The following U2AF1 variants were observed in gnomAD, a reference collection of about 807,000 sequenced individuals.
U2AF1 encodes the protein U2 small nuclear RNA auxiliary factor 1.
For synonymous variants in U2AF1, 8 were observed against 27.2 expected (o/e 0.29, Z 2.20); for missense variants, 4 against 75.9 (o/e 0.05, Z 3.52).
At chr21:43,105,069 G>C (rs2146469530) in intron 1 of U2AF1, 1 of 107,300 alleles carries the variant, frequency 9.3e-6, no homozygotes, top group East Asian at 2.0e-4. Context: ...CAATTCTCCT[G>C]GTCTCAATAC....
At chr21:43,095,607 G>A in intron 4 of U2AF1, 71 bp from the exon 5 acceptor site, 2 of 799,084 alleles carry the variant, frequency 2.5e-6, no homozygotes, top group South Asian at 1.5e-5. Context: ...ACTCATGTAT[G>A]TTTATTAGCA....
chr21:43,106,941 G>A (rs1415511207), intron 1 of U2AF1, among the ~76,000 whole-genome samples: 1 of 40,912 alleles, frequency 2.4e-5, no homozygotes, highest in Non-Finnish European at 4.8e-5. Context: ...CGCTTAAACA[G>A]GCAAGAGGCT....
intron 3 of U2AF1, chr21:43,096,059 AT>A (rs560376283): frequency 0.022 from 245 of 11,164 alleles, no homozygotes; most frequent in Admixed American, 0.026. Flanking sequence ...CAAACTACAA[AT>A]TTTTTTTTTA....
chr21:43,105,133 C>T lies in U2AF1; in HGVS notation c.45-731G>A, dbSNP rs189353760. 2 of 106,784 alleles carry T rather than the reference C, an allele frequency of 1.9e-5. 1 individual carries two copies. The highest frequency in any genetic ancestry group is 3.9e-5 in the Non-Finnish European group (2 of 51,474). The allele number at this position is 106,784 out of a possible 1,614,324, so 6.6% of individuals were successfully genotyped here. ...CGAACCCACCTTAGGAACCACCTTA[C>T]GTCACCTTCTGTCTCTACTGCAAAA... On this transcript the variant is annotated intron_variant, in intron 1 of 7. Coordinates refer to ENST00000291552, the MANE Select transcript of U2AF1 (RefSeq NM_006758.3).
chr21:43,107,053 C>T lies in U2AF1; in HGVS notation c.44+398G>A, dbSNP rs1424393062. Reference sequence around the variant, plus strand: ...AGCTTGCTCGACAGGACATTCACAGCCGAAAGTTGGAACAAACGTGTCCAC... The same window carrying T: ...AGCTTGCTCGACAGGACATTCACAGTCGAAAGTTGGAACAAACGTGTCCAC... On this transcript the variant is annotated intron_variant, in intron 1 of 7. Coordinates refer to ENST00000291552, the MANE Select transcript of U2AF1 (RefSeq NM_006758.3). Among the ~76,000 whole-genome samples the T allele has an allele frequency of 2.3e-5, 2 of 87,886 alleles. 1 individual carries two copies. Among genetic ancestry groups the T allele is most frequent in the Non-Finnish European group, 4.7e-5 (2 of 42,618 alleles). 57.7% of individuals were successfully genotyped at this position (87,886 alleles called of 152,430 possible).
Position 43,107,500 on chromosome 21 carries a change from AC to A in U2AF1, c.-7del. ...GAGGCCAGATACTCCGCCATTTCCC[AC>A]CCGCCGCCGCCGCTGCCGTCGACAC... is the stretch of plus-strand genomic sequence containing the variant. On this transcript the variant is annotated 5_prime_UTR_variant, in exon 1 of 8. Transcript: ENST00000291552. 1.2e-6 allele frequency: 1 copy of A among 808,892 alleles called. No individual in the cohort carries two copies. Among genetic ancestry groups the A allele is most frequent in the Non-Finnish European group, 1.7e-6 (1 of 576,760 alleles). The allele number at this position is 808,892 out of a possible 1,614,324, so 50.1% of individuals were successfully genotyped here. A position where few individuals can be genotyped will look rare whatever the true frequency, so the allele number is the denominator to read the frequency against.
At position 43,095,174 on chromosome 21, in the gene U2AF1, C is replaced by T. The variant is rs1172106581; in HGVS notation, c.348+264G>A. Reference sequence around the variant, plus strand: ...ATAACGATGGCTGTGGTGTACGGTCCGTCCTTCAGTTCTGCTGGCTGGGCG... The same window carrying T: ...ATAACGATGGCTGTGGTGTACGGTCTGTCCTTCAGTTCTGCTGGCTGGGCG... On this transcript the variant is annotated intron_variant, in intron 5 of 7. Coordinates refer to ENST00000291552, the MANE Select transcript of U2AF1 (RefSeq NM_006758.3). The T allele has an allele frequency of 3.9e-5, 14 of 358,584 alleles. 4 individuals are homozygous for T. The highest frequency in any genetic ancestry group is 9.6e-5 in the East Asian group (3 of 31,326). 22.2% of individuals were successfully genotyped at this position (358,584 alleles called of 1,614,324 possible).
intron 5 of U2AF1, 128 bp from the exon 6 acceptor site, chr21:43,094,916 A>G (rs1984235713): frequency 2.6e-6 from 1 of 386,194 alleles, no homozygotes; most frequent in Admixed American, 5.3e-5. Context: ...ATTACAGGAT[A>G]ATTGAAAAAT....
intron 1 of U2AF1, among the ~76,000 whole-genome samples, chr21:43,107,041 G>A (rs1024382933): frequency 1.2e-5 from 1 of 81,642 alleles, no homozygotes; most frequent in East Asian, 2.3e-4. Flanking sequence ...TTGCTCGACA[G>A]GACATTCACA....
At position 43,095,784 on chromosome 21, in the gene U2AF1, C is replaced by T. The variant is rs374235174; in HGVS notation, c.200-41G>A. 8 of 381,852 alleles carry T rather than the reference C, an allele frequency of 2.1e-5. 2 individuals carry two copies. The highest frequency in any genetic ancestry group is 9.5e-5 in the South Asian group (4 of 42,154). The allele number at this position is 381,852 out of a possible 1,614,324, so 23.7% of individuals were successfully genotyped here. ...ATCTTGCTGGTTAGAACATGTTAAC[C>T]GAGTGAACTCTTGTGTTTAAACTCA... On this transcript the variant is annotated intron_variant, in intron 3 of 7. Transcript: ENST00000291552.
chr21:43,107,090 C>G (rs1312061011), intron 1 of U2AF1, among the ~76,000 whole-genome samples: 4 of 104,808 alleles, frequency 3.8e-5, no homozygotes, highest in Admixed American at 1.0e-4. Context: ...TCCAAAAGGC[C>G]CGGATGCTCC....
At chr21:43,099,867 T>C (rs1984494072) in intron 3 of U2AF1, 1 of 75,460 alleles carries the variant, frequency 1.3e-5, no homozygotes. Context: ...TTCCAGTACA[T>C]TCCCTCTAGG....
rs1423092792 is a variant in U2AF1 at position 43,095,375 on chromosome 21, C to T, written c.348+63G>A. On this transcript the variant is annotated intron_variant, in intron 5 of 7. Transcript: ENST00000291552. Reference sequence around the variant, plus strand: ...AGCGGCTGCACCACTGTCTCGCTTTCGCCTGTTGGCCTTGGCCCTGGCACA... The same window carrying T: ...AGCGGCTGCACCACTGTCTCGCTTTTGCCTGTTGGCCTTGGCCCTGGCACA... 1.3e-5 allele frequency: 10 copies of T among 760,066 alleles called. 3 individuals carry two copies. The highest frequency in any genetic ancestry group is 2.5e-5 in the African/African-American group (1 of 39,442). 47.1% of individuals were successfully genotyped at this position (760,066 alleles called of 1,614,324 possible). A position where few individuals can be genotyped will look rare whatever the true frequency, so the allele number is the denominator to read the frequency against.
Position 43,099,851 on chromosome 21 carries a change from G to A in U2AF1, c.199+602C>T, listed in dbSNP as rs1310601506. On this transcript the variant is annotated intron_variant, in intron 3 of 7. Coordinates refer to ENST00000291552, the MANE Select transcript of U2AF1 (RefSeq NM_006758.3). ...CTAAGAGGGAAGAATATGACTCGAC[G>A]TTTAATTCCAGTACATTCCCTCTAG... 2 of 67,948 alleles carry A rather than the reference G, an allele frequency of 2.9e-5. 1 individual carries two copies. Among genetic ancestry groups the A allele is most frequent in the Non-Finnish European group, 5.4e-5 (2 of 36,804 alleles). 4.2% of individuals were successfully genotyped at this position (67,948 alleles called of 1,614,324 possible). A position where few individuals can be genotyped will look rare whatever the true frequency, so the allele number is the denominator to read the frequency against.
chr21:43,099,857 T>G (rs1372274858), intron 3 of U2AF1: 1 of 71,084 alleles, frequency 1.4e-5, no homozygotes, highest in Non-Finnish European at 2.6e-5. Flanking sequence ...CGACGTTTAA[T>G]TCCAGTACAT....
At chr21:43,105,453 T>C (rs1194489176) in intron 1 of U2AF1, 1 of 91,760 alleles carries the variant, frequency 1.1e-5, no homozygotes, top group East Asian at 2.1e-4. Context: ...GATGGGAAAG[T>C]CCAAATTTAT....
chr21:43,098,817 T>TA (rs1160765468), intron 3 of U2AF1: 2 of 18,134 alleles, frequency 1.1e-4, no homozygotes, highest in East Asian at 1.3e-3. Flanking sequence ...CTTATTTCCT[T>TA]AAAAAACAAA....
rs188967594 is a variant in U2AF1, at chr21:43,107,146, C to G, written c.44+305G>C. ...CGAGGCGGCTTCCGGGAGTCGGCGA[C>G]TCGGAGGCCCGGACGTCGGGCGATC... On this transcript the variant is annotated intron_variant, in intron 1 of 7. Transcript: ENST00000291552. 9.7e-3 allele frequency among the ~76,000 whole-genome samples: 1,095 copies of G among 113,226 alleles called. 374 individuals are homozygous for G. Among genetic ancestry groups the G allele is most frequent in the Admixed American group, 0.09 (981 of 10,872 alleles). The allele number at this position is 113,226 out of a possible 152,430, so 74.3% of individuals were successfully genotyped here.
At chr21:43,094,858 T>C in intron 5 of U2AF1, 70 bp from the exon 6 acceptor site, 2 of 1,046,610 alleles carry the variant, frequency 1.9e-6, no homozygotes, top group East Asian at 4.7e-5. Context: ...CCAATCCAAG[T>C]ATATCAGAGA....
Sources: allele counts gnomAD v4.1 joint callset (sites outside exome capture counted in the v4.1 genomes callset), GRCh38; gene constraint gnomAD v4.1.1; transcripts MANE v1.5; gene names NCBI Gene and HGNC (gene_info 2026-07-23, HGNC 2026-07-21).